The following RNF41 variants were observed in gnomAD, a reference collection of about 807,000 sequenced individuals.
RNF41 encodes ring finger protein 41, also known as E3 ubiquitin-protein ligase NRDP1.
In RNF41, 4 loss-of-function variants were observed where a neutral mutation model predicts 33.0. The ratio of observed to expected loss-of-function variants is 0.12; its 90% confidence interval spans 0.06 to 0.28. The LOEUF is 0.28. Among genes scored for constraint, RNF41 ranks in the 10% least tolerant of loss-of-function variants. RNF41 has a pLI of 1.00. For synonymous variants in RNF41, 164 were observed against 153.2 expected (o/e 1.07, Z -0.52); for missense variants, 228 against 432.6 (o/e 0.53, Z 4.19).
Position 56,203,162 on chromosome 12 carries a change from G to A in RNF41, c.*3285C>T, listed in dbSNP as rs1019487721. 1.4e-4 allele frequency: 19 copies of A among 137,124 alleles called. No individual in the cohort carries two copies. The highest frequency in any genetic ancestry group is 4.8e-4 in the African/African-American group (19 of 39,444). The allele number at this position is 137,124 out of a possible 1,614,324, so 8.5% of individuals were successfully genotyped here. A position where few individuals can be genotyped will look rare whatever the true frequency, so the allele number is the denominator to read the frequency against. ...ATTTAAAACAAACTTCTGGGAGGAGGAAAAGATATCCCTTTTTCTTTTCTT... is the reference window on the plus strand; with the variant it reads ...ATTTAAAACAAACTTCTGGGAGGAGAAAAAGATATCCCTTTTTCTTTTCTT... On this transcript the variant is annotated 3_prime_UTR_variant, in exon 7 of 7. Transcript: ENST00000345093.
chr12:56,207,017 T>C (rs1197900832), intron 6 of RNF41, among the ~76,000 whole-genome samples: 1 of 152,244 alleles, frequency 6.6e-6, no homozygotes, highest in Non-Finnish European at 1.5e-5. Flanking sequence ...GTCTGCACTC[T>C]GTCTCTGTTA....
At position 56,217,139 on chromosome 12, in the gene RNF41, TA is replaced by T. The variant is rs1180669951; in HGVS notation, c.-208-527del. On this transcript the variant is annotated intron_variant, in intron 1 of 6. Transcript: ENST00000345093. The stretch of plus-strand genomic sequence containing the variant: ...TGGGCGACACAGCAAGACTCCGTCT[TA>T]AAAAAAAAAAAAAAAAAGACAAGAG... Among the ~76,000 whole-genome samples, 584 of 104,800 alleles carry T rather than the reference TA, an allele frequency of 5.6e-3. 1 individual carries two copies. The highest frequency in any genetic ancestry group is 5.7e-3 in the Non-Finnish European group (277 of 48,866). The allele number at this position is 104,800 out of a possible 152,430, so 68.8% of individuals were successfully genotyped here.
intron 3 of RNF41, among the ~76,000 whole-genome samples, chr12:56,211,795 AC>A (rs780288436): frequency 4.6e-5 from 7 of 151,412 alleles, no homozygotes; most frequent in Non-Finnish European, 1.0e-4. Context: ...ACATAGCGAA[AC>A]CCTGTCTCTA....
At chr12:56,208,057 C>T in intron 5 of RNF41, 106 bp downstream of exon 5, 1 of 1,370,524 alleles carries the variant, frequency 7.3e-7, no homozygotes, top group East Asian at 2.3e-5. Context: ...TCTAGGCTCA[C>T]AAGTGTAAGC....
chr12:56,214,623 G>A (rs777204332), intron 2 of RNF41, among the ~76,000 whole-genome samples: 7 of 151,866 alleles, frequency 4.6e-5, no homozygotes, highest in African/African-American at 7.3e-5. Context: ...GAGGTCAGGA[G>A]TTCAAGACCA....
rs910814898 is a variant in RNF41 at position 56,205,263 on chromosome 12, G to T, written c.*1184C>A. On this transcript the variant is annotated 3_prime_UTR_variant, in exon 7 of 7. Coordinates refer to ENST00000345093, the MANE Select transcript of RNF41 (RefSeq NM_005785.4). ...CTGTCATATCCTTCACAGGAAGAGAGGAAGCTCCTCATTTCAGTTGGGGTT... is the reference window on the plus strand; with the variant it reads ...CTGTCATATCCTTCACAGGAAGAGATGAAGCTCCTCATTTCAGTTGGGGTT... 2.0e-5 allele frequency: 3 copies of T among 152,314 alleles called. No homozygotes were observed. In the South Asian group the frequency reaches 6.2e-4, roughly 32 times the overall value. 9.4% of individuals were successfully genotyped at this position (152,314 alleles called of 1,614,324 possible).
intron 5 of RNF41, 108 bp from the exon 6 acceptor site, chr12:56,207,857 T>C (rs1868303495): frequency 4.4e-6 from 4 of 917,666 alleles, no homozygotes; most frequent in South Asian, 4.0e-5. Context: ...AACAACCAGT[T>C]TGTAAGCTTC....
intron 1 of RNF41, among the ~76,000 whole-genome samples, chr12:56,220,028 A>AATAG (rs1401652591): frequency 6.6e-6 from 1 of 150,418 alleles, no homozygotes; most frequent in East Asian, 2.0e-4. Flanking sequence ...AAAATAAATA[A>AATAG]ATAAATAAAT....
chr12:56,204,168 G>C lies in RNF41; in HGVS notation c.*2279C>G, dbSNP rs955920165. ...AGTTGCTTGTGGGACAAAGGAAAAAGATATATACATATCTTCTGTAGAAAT... is the reference window on the plus strand; with the variant it reads ...AGTTGCTTGTGGGACAAAGGAAAAACATATATACATATCTTCTGTAGAAAT... On this transcript the variant is annotated 3_prime_UTR_variant, in exon 7 of 7. Transcript: ENST00000345093. 1 of 152,190 alleles carries C rather than the reference G, an allele frequency of 6.6e-6. No individual in the cohort carries two copies. The highest frequency in any genetic ancestry group is 1.5e-5 in the Non-Finnish European group (1 of 68,038). The allele number at this position is 152,190 out of a possible 1,614,324, so 9.4% of individuals were successfully genotyped here.
chr12:56,213,905 C>T (rs1282232818), intron 3 of RNF41, 53 bp downstream of exon 3: 1 of 1,130,056 alleles, frequency 8.8e-7, no homozygotes, highest in African/African-American at 1.5e-5. Context: ...ATATTTTCTA[C>T]TAGTTCCACT....
intron 2 of RNF41, among the ~76,000 whole-genome samples, chr12:56,214,694 T>C (rs1196539778): frequency 6.8e-6 from 1 of 147,388 alleles, no homozygotes; most frequent in East Asian, 2.0e-4. Flanking sequence ...CTGGGCGTGG[T>C]GATGCACATC....
At chr12:56,213,937 C>T (rs764962422) in intron 3 of RNF41, 21 bp downstream of exon 3, 22 of 1,550,626 alleles carry the variant, frequency 1.4e-5, no homozygotes, top group Non-Finnish European at 1.8e-5. Flanking sequence ...CCCCACCAAA[C>T]CTGCCATCAG....
At chr12:56,214,106 A>C in intron 2 of RNF41, 36 bp from the exon 3 acceptor site, 3 of 1,083,580 alleles carry the variant, frequency 2.8e-6, no homozygotes, top group Non-Finnish European at 4.3e-6. Context: ...CCAGTTCAGA[A>C]GAAGCCTACA....
At chr12:56,209,457 A>ATTT (rs60545688) in intron 4 of RNF41, among the ~76,000 whole-genome samples, 1 of 124,680 alleles carries the variant, frequency 8.0e-6, no homozygotes, top group African/African-American at 3.0e-5. Flanking sequence ...CACTTGGCTA[A>ATTT]TTTTTTTTTT....
chr12:56,213,024 T>C (rs1484985101), intron 3 of RNF41: 2 of 1,289,746 alleles, frequency 1.6e-6, no homozygotes, highest in Non-Finnish European at 2.0e-6. Flanking sequence ...TCCTCATACT[T>C]GCCCCAGGAT....
Position 56,204,775 on chromosome 12 carries a change from C to T in RNF41, c.*1672G>A, listed in dbSNP as rs935391012. On this transcript the variant is annotated 3_prime_UTR_variant, in exon 7 of 7. Coordinates refer to ENST00000345093, the MANE Select transcript of RNF41 (RefSeq NM_005785.4). Reference sequence around the variant, plus strand: ...ATGTCCCAGAGCTGGAACCCTACTCCCCTCAAGCTTTCCACCCCAATCCCA... The same window carrying T: ...ATGTCCCAGAGCTGGAACCCTACTCTCCTCAAGCTTTCCACCCCAATCCCA... 2.6e-5 allele frequency: 4 copies of T among 152,660 alleles called. No homozygotes were observed. Among genetic ancestry groups the T allele is most frequent in the African/African-American group, 9.7e-5 (4 of 41,422 alleles). The allele number at this position is 152,660 out of a possible 1,614,324, so 9.5% of individuals were successfully genotyped here.
chr12:56,210,057 T>C, intron 4 of RNF41: 1 of 555,102 alleles, frequency 1.8e-6, no homozygotes, highest in Non-Finnish European at 3.2e-6. Flanking sequence ...CAAGCTTTAA[T>C]GTTATTACAC....
chr12:56,211,710 C>T (rs928158884), intron 3 of RNF41, among the ~76,000 whole-genome samples: 1 of 151,914 alleles, frequency 6.6e-6, no homozygotes, highest in African/African-American at 2.4e-5. Flanking sequence ...TGGTGGATGG[C>T]GCCTGTAATC....
rs1868320351 is a variant in RNF41 at position 56,208,474 on chromosome 12, A to G, written c.363-176T>C. The G allele has an allele frequency of 1.4e-5, 8 of 558,322 alleles. No homozygotes were observed. The South Asian group carries it at 2.1e-4, about 14-fold the overall frequency. 34.6% of individuals were successfully genotyped at this position (558,322 alleles called of 1,614,324 possible). On this transcript the variant is annotated intron_variant, in intron 4 of 6. Transcript: ENST00000345093. ...TTCACTTTCTTCGTCCAAGCTTCCT[A>G]CTTGCCCCTTTGCTGTCTATTTTCC...
Sources: gnomAD v4.1 joint callset for allele counts (sites outside exome capture counted in the v4.1 genomes callset) on GRCh38, gnomAD v4.1.1 for gene constraint, MANE v1.5 for transcripts, NCBI Gene and HGNC (gene_info 2026-07-23, HGNC 2026-07-21) for gene names.